MYOF: variants seen among roughly 807,000 people sequenced by gnomAD.
MYOF encodes the protein fer-1-like 3, myoferlin.
A neutral mutation model predicts 284.2 loss-of-function variants in MYOF; 244 were observed. The ratio of observed to expected loss-of-function variants is 0.86; its 90% CI spans 0.77 to 0.95. MYOF has a LOEUF of 0.95. Among genes scored for constraint, MYOF ranks in the 40% least tolerant of loss-of-function variants. The probability of loss-of-function intolerance (pLI) is 0.00; values close to 1 mark genes in which losing one functional copy is unlikely to be tolerated. For synonymous variants in MYOF, 904 were observed against 919.7 expected, an observed-to-expected ratio of 0.98 and a Z score of 0.31; for missense variants, 2,496 against 2,560.6, an observed-to-expected ratio of 0.97 and a Z score of 0.54.
chr10:93,418,750 T>A (rs556890487), intron 5 of MYOF, among the ~76,000 whole-genome samples: 3 of 152,326 alleles, frequency 2.0e-5, no homozygotes, highest in Admixed American at 6.5e-5. Context: ...TCTCTGGAGA[T>A]GGGCGCCAGA....
Position 93,404,043 on chromosome 10 carries a change from A to G in MYOF, c.823T>C (p.Cys275Arg), listed in dbSNP as rs748714584. ...CTCACCTTAAATTCCCCCATCAGAC[A>G]ATCTGCCCGCAGAGAGTGAGAATTA... ...VYNSHSLRAD[C>R]LMGEFKIDVG... Residue 275 changes from cysteine (C) to arginine (R), a missense_variant, in exon 9 of 54, where the codon TGT (cysteine) becomes CGT (arginine). This residue lies in a region of MYOF where 2,436 missense variants were observed against 2,480.7 expected (regional missense o/e 0.98). Coordinates refer to ENST00000359263, the MANE Select transcript of MYOF (RefSeq NM_013451.4). 2 of 1,614,018 alleles carry G rather than the reference A, an allele frequency of 1.2e-6. No individual in the cohort carries two copies. The highest frequency in any genetic ancestry group is 1.7e-5 in the Admixed American group (1 of 59,996).
At chr10:93,356,917 G>T (rs778517640) in intron 29 of MYOF, 69 bp from the exon 30 acceptor site, 85 of 1,437,510 alleles carry the variant, frequency 5.9e-5, no homozygotes, top group Non-Finnish European at 7.7e-5. Context: ...GATAAAACAG[G>T]TTATATGATC....
chr10:93,320,177 G>A (rs186944123), intron 48 of MYOF, among the ~76,000 whole-genome samples, 164 bp from the exon 49 acceptor site: 3 of 152,302 alleles, frequency 2.0e-5, no homozygotes, highest in African/African-American at 7.2e-5. Flanking sequence ...GAGGGGAGGT[G>A]CTCTATTGCA....
In MYOF at chr10:93,359,841, T is replaced by A. The variant is rs1390944988; in HGVS notation, c.3112A>T (p.Thr1038Ser). Residue 1038 changes from threonine to serine, a missense_variant, in exon 29 of 54, where the codon ACC (threonine) becomes TCC (serine). Coordinates refer to ENST00000359263, the MANE Select transcript of MYOF (RefSeq NM_013451.4). The stretch of plus-strand genomic sequence containing the variant: ...TCCCTTGCTTCTCTTACCCTTGCGG[T>A]GCTTGAAGCAGTCTGTGTTAAATCT... ...KKDLTQTASS[T>S]ARAMEELQDQ... is the part of the protein sequence containing the mutation. 6.2e-7 allele frequency: 1 copy of A among 1,614,188 alleles called. No homozygotes were observed. Among genetic ancestry groups the A allele is most frequent in the Admixed American group, 1.7e-5 (1 of 60,032 alleles).
intron 5 of MYOF, among the ~76,000 whole-genome samples, chr10:93,414,430 T>C (rs932185709): frequency 6.6e-6 from 1 of 152,004 alleles, no homozygotes; most frequent in African/African-American, 2.4e-5. Flanking sequence ...TCCCAGCTAC[T>C]TGGGAGGCTG....
intron 43 of MYOF, 111 bp from the exon 44 acceptor site, chr10:93,329,945 G>T: frequency 2.7e-6 from 3 of 1,116,040 alleles, no homozygotes; most frequent in Non-Finnish European, 4.0e-6. Context: ...GCTGCTGGAG[G>T]ACATCTGAGC....
rs1284508641 is a variant in MYOF at position 93,470,228 on chromosome 10, C to CAAAA, written c.88+11875_88+11878dup. On this transcript the variant is annotated intron_variant, in intron 1 of 53. Transcript: ENST00000359263. ...TGGGCAACAGAGCGAGACTCCATCT[C>CAAAA]AAAAAAAAAAAAAGAAAGAAACAAA... is the stretch of plus-strand genomic sequence containing the variant. Among the ~76,000 whole-genome samples, 8 of 75,194 alleles carry CAAAA rather than the reference C, an allele frequency of 1.1e-4. No individual in the cohort carries two copies. In the South Asian group the frequency reaches 1.5e-3, roughly 14 times the overall value. The allele number at this position is 75,194 out of a possible 152,430, so 49.3% of individuals were successfully genotyped here.
chr10:93,441,487 C>T (rs947278916), intron 3 of MYOF, among the ~76,000 whole-genome samples: 6 of 151,416 alleles, frequency 4.0e-5, no homozygotes, highest in Non-Finnish European at 7.4e-5. Flanking sequence ...TGAATTCAAG[C>T]GATTCTCCTG....
intron 45 of MYOF, among the ~76,000 whole-genome samples, chr10:93,326,858 C>A (rs544854641): frequency 3.7e-4 from 57 of 152,128 alleles, no homozygotes; most frequent in African/African-American, 1.3e-3. Context: ...CTCCTGGGCT[C>A]AGGCGATCTG....
chr10:93,477,896 G>A (rs939234294), intron 1 of MYOF, among the ~76,000 whole-genome samples: 2 of 151,916 alleles, frequency 1.3e-5, no homozygotes, highest in Admixed American at 6.6e-5. Context: ...ACAAAGACAC[G>A]CACCACAGGG....
At chr10:93,449,805 A>G (rs925008435) in intron 3 of MYOF, among the ~76,000 whole-genome samples, 7 of 152,102 alleles carry the variant, frequency 4.6e-5, no homozygotes, top group Non-Finnish European at 1.0e-4. Context: ...ATGTATTTAT[A>G]TAGTTACAGA....
chr10:93,459,925 G>T (rs1014495802), intron 1 of MYOF, among the ~76,000 whole-genome samples: 2 of 152,146 alleles, frequency 1.3e-5, no homozygotes, highest in Non-Finnish European at 1.5e-5. Context: ...GCTTGGGGGG[G>T]TGGAGAACTG....
chr10:93,321,595 TCA>T (rs1041007496), intron 48 of MYOF, among the ~76,000 whole-genome samples: 6 of 151,874 alleles, frequency 4.0e-5, no homozygotes, highest in African/African-American at 1.5e-4. Context: ...TGAGGAGAGT[TCA>T]CATTCTCTTG....
intron 45 of MYOF, 117 bp downstream of exon 45, chr10:93,328,644 GCA>G (rs1388967849): frequency 2.9e-6 from 3 of 1,032,044 alleles, no homozygotes; most frequent in African/African-American, 1.6e-5. Flanking sequence ...AGTGTCACGT[GCA>G]CAGTCTCATG....
intron 1 of MYOF, 54 bp from the exon 2 acceptor site, chr10:93,456,991 C>T (rs895362376): frequency 1.5e-5 from 20 of 1,333,010 alleles, no homozygotes; most frequent in Admixed American, 1.9e-5. Context: ...AATTAAAGAG[C>T]GTGGGCCATT....
At chr10:93,472,402 G>A (rs1252010826) in intron 1 of MYOF, among the ~76,000 whole-genome samples, 2 of 152,124 alleles carry the variant, frequency 1.3e-5, no homozygotes, top group Non-Finnish European at 2.9e-5. Context: ...ACTTTGGGAG[G>A]CCGAGGTGGG....
Position 93,351,212 on chromosome 10 carries a change from C to T in MYOF, c.3906G>A (p.Gln1302=). ...MVPQGIRPVV[Q]LTAIEILAWG... is the part of the protein sequence containing the mutation. Reference sequence around the variant, plus strand: ...AGCAGCATACCTCAATGGCAGTGAGCTGGACCACAGGCCTGATCCCCTGGG... The same window carrying T: ...AGCAGCATACCTCAATGGCAGTGAGTTGGACCACAGGCCTGATCCCCTGGG... Residue 1302 remains glutamine (Q), a synonymous_variant, in exon 35 of 54, where the codon CAG becomes CAA. Coordinates refer to ENST00000359263, the MANE Select transcript of MYOF (RefSeq NM_013451.4). 6.2e-7 allele frequency: 1 copy of T among 1,614,194 alleles called. No homozygotes were observed. Among genetic ancestry groups the T allele is most frequent in the South Asian group, 1.1e-5 (1 of 91,072 alleles).
chr10:93,471,305 G>GTT (rs71031512), intron 1 of MYOF, among the ~76,000 whole-genome samples: 17 of 147,670 alleles, frequency 1.2e-4, no homozygotes, highest in South Asian at 4.3e-4. Context: ...GGGGGGATGG[G>GTT]TTTTTTTTTC....
chr10:93,396,822 A>T (rs1847034546), intron 15 of MYOF, among the ~76,000 whole-genome samples: 1 of 152,210 alleles, frequency 6.6e-6, no homozygotes, highest in Non-Finnish European at 1.5e-5. Context: ...TAAAAATTCT[A>T]TCAGAACATT....
Sources: allele counts gnomAD v4.1 joint callset (sites outside exome capture counted in the v4.1 genomes callset), GRCh38; gene constraint gnomAD v4.1.1; regional missense constraint gnomAD v4.1.1; transcripts MANE v1.5; gene names NCBI Gene and HGNC (gene_info 2026-07-23, HGNC 2026-07-21).